The following KAZN variants were observed in gnomAD, a reference collection of about 807,000 sequenced individuals.
KAZN encodes the protein kazrin.
In KAZN, 40 loss-of-function variants were observed where a neutral mutation model predicts 87.4. The observed-to-expected ratio is 0.46, with a 90% confidence interval of 0.36 to 0.60. KAZN has a LOEUF of 0.60. Ranked by LOEUF, KAZN falls within the 20% of genes least tolerant of loss-of-function variation. The pLI, the probability that KAZN is intolerant of heterozygous loss-of-function variation, is 0.00. For missense variants in KAZN, 898 were observed against 1,073.9 expected, an observed-to-expected ratio of 0.84 and a Z score of 2.29; for synonymous variants, 466 against 458.3, an observed-to-expected ratio of 1.02 and a Z score of -0.22.
At chr1:13,919,067 T>C (rs377724503) in intron 1 of KAZN, among the ~76,000 whole-genome samples, 40 of 152,324 alleles carry the variant, frequency 2.6e-4, no homozygotes, top group African/African-American at 7.5e-4. Context: ...ACTTTGAAAA[T>C]TGAAGTACAG....
At chr1:14,885,995 C>G (rs576434474) in intron 1 of KAZN, among the ~76,000 whole-genome samples, 1 of 152,132 alleles carries the variant, frequency 6.6e-6, no homozygotes, top group Non-Finnish European at 1.5e-5. Flanking sequence ...TTACCTCTAT[C>G]CATTAGATGC....
chr1:14,319,736 CT>C (rs1044473379), intron 2 of KAZN, among the ~76,000 whole-genome samples: 4 of 152,168 alleles, frequency 2.6e-5, no homozygotes, highest in Non-Finnish European at 4.4e-5. Flanking sequence ...GATCACAGAT[CT>C]GATCTGTCTG....
At chr1:14,660,541 C>CTTTTTTTTTTTT (rs1156503750) in intron 1 of KAZN, among the ~76,000 whole-genome samples, 5 of 76,032 alleles carry the variant, frequency 6.6e-5, no homozygotes, top group Admixed American at 1.9e-4. Context: ...CTCTCTCTCT[C>CTTTTTTTTTTTT]TTTTTTTTTT....
intron 2 of KAZN, among the ~76,000 whole-genome samples, chr1:14,366,715 C>T (rs1660031079): frequency 6.6e-6 from 1 of 152,328 alleles, no homozygotes; most frequent in Admixed American, 6.5e-5. Context: ...TGTTACAGTG[C>T]TCTTTGAGCT....
chr1:14,407,514 A>G (rs927919139), intron 2 of KAZN, among the ~76,000 whole-genome samples: 3 of 152,222 alleles, frequency 2.0e-5, no homozygotes, highest in Admixed American at 1.3e-4. Flanking sequence ...GCAAAGCAAT[A>G]TAATACCAGA....
chr1:14,434,936 G>A (rs1666293577), intron 2 of KAZN, among the ~76,000 whole-genome samples: 1 of 152,120 alleles, frequency 6.6e-6, no homozygotes, highest in African/African-American at 2.4e-5. Context: ...CTTTGTCTGA[G>A]GCTCTGTGCA....
intron 2 of KAZN, among the ~76,000 whole-genome samples, chr1:14,487,273 A>C (rs145439836): frequency 6.6e-6 from 1 of 152,342 alleles, no homozygotes; most frequent in South Asian, 2.1e-4. Flanking sequence ...TTTTCCATAT[A>C]GCTAACTAAA....
intron 1 of KAZN, among the ~76,000 whole-genome samples, chr1:14,008,233 T>C (rs991202681): frequency 6.6e-6 from 1 of 152,174 alleles, no homozygotes; most frequent in Non-Finnish European, 1.5e-5. Context: ...TTCCCATGAA[T>C]TCTCCCCTGG....
At chr1:13,947,243 A>G (rs551559783) in intron 1 of KAZN, among the ~76,000 whole-genome samples, 1 of 152,300 alleles carries the variant, frequency 6.6e-6, no homozygotes, top group African/African-American at 2.4e-5. Context: ...GTGAGAGATA[A>G]TGAGCAAGAG....
intron 1 of KAZN, among the ~76,000 whole-genome samples, chr1:14,779,540 C>T (rs879695111): frequency 2.0e-5 from 3 of 151,526 alleles, no homozygotes; most frequent in African/African-American, 4.9e-5. Flanking sequence ...GGATTGACAT[C>T]GGCCCCTGAC....
At chr1:14,906,156 A>G (rs1414864075) in intron 1 of KAZN, among the ~76,000 whole-genome samples, 1 of 149,754 alleles carries the variant, frequency 6.7e-6, no homozygotes, top group Non-Finnish European at 1.5e-5. Context: ...ACAGATCGAG[A>G]CTCCATCTCA....
intron 1 of KAZN, among the ~76,000 whole-genome samples, chr1:14,809,284 G>A (rs1646329723): frequency 6.6e-6 from 1 of 152,208 alleles, no homozygotes; most frequent in Non-Finnish European, 1.5e-5. Flanking sequence ...ATGCAGAGGT[G>A]TCTGGAGAGG....
chr1:14,036,343 C>T (rs1019087568), intron 1 of KAZN, among the ~76,000 whole-genome samples: 3 of 152,124 alleles, frequency 2.0e-5, no homozygotes, highest in South Asian at 2.1e-4. Flanking sequence ...GTTCAGGCTT[C>T]GTTTAATTCA....
chr1:15,111,894 C>T (rs1176364418), intron 13 of KAZN: 1 of 154,112 alleles, frequency 6.5e-6, no homozygotes, highest in Non-Finnish European at 1.4e-5. Flanking sequence ...TTGGCCAAAT[C>T]CTAACAGAAG....
intron 1 of KAZN, among the ~76,000 whole-genome samples, chr1:13,903,921 G>A (rs6681706): frequency 0.033 from 5,010 of 152,220 alleles, 269 homozygotes; most frequent in African/African-American, 0.11. Flanking sequence ...TGAGTCCCTG[G>A]GTGACTGCAG....
At chr1:14,449,446 C>T (rs1231160492) in intron 2 of KAZN, among the ~76,000 whole-genome samples, 1 of 152,236 alleles carries the variant, frequency 6.6e-6, no homozygotes, top group African/African-American at 2.4e-5. Context: ...TGCTCTTGCA[C>T]TGACCTTGAG....
chr1:14,912,884 G>A (rs1005112731), intron 1 of KAZN, among the ~76,000 whole-genome samples: 2 of 152,138 alleles, frequency 1.3e-5, no homozygotes, highest in African/African-American at 2.4e-5. Context: ...GGTTTACTCC[G>A]TTTTAAAATG....
At chr1:14,159,730 A>G (rs1345477723) in intron 1 of KAZN, among the ~76,000 whole-genome samples, 1 of 152,234 alleles carries the variant, frequency 6.6e-6, no homozygotes, top group Non-Finnish European at 1.5e-5. Context: ...ACCTGAAACC[A>G]GCAAGTCTCA....
chr1:14,360,025 G>A (rs917681341), intron 2 of KAZN, among the ~76,000 whole-genome samples: 1 of 152,178 alleles, frequency 6.6e-6, no homozygotes, highest in Non-Finnish European at 1.5e-5. Flanking sequence ...ATATTCTGAA[G>A]AGTGGAGCTT....
Sources: gnomAD v4.1 joint callset for allele counts (sites outside exome capture counted in the v4.1 genomes callset) on GRCh38, gnomAD v4.1.1 for gene constraint, MANE v1.5 for transcripts, NCBI Gene and HGNC (gene_info 2026-07-23, HGNC 2026-07-21) for gene names.